Variants in DCAF5 observed in about 807,000 individuals in gnomAD.
DCAF5 encodes DDB1 and CUL4 associated factor 5, also known as DDB1- and CUL4-associated factor 5.
A neutral mutation model predicts 80.7 loss-of-function variants in DCAF5; 9 were observed. That is an observed-to-expected ratio of 0.11 (90% CI 0.07 to 0.19). The LOEUF is 0.19. Among genes scored for constraint, DCAF5 ranks in the 10% least tolerant of loss-of-function variants. The probability of loss-of-function intolerance (pLI) is 1.00; values close to 1 mark genes in which losing one functional copy is unlikely to be tolerated. For synonymous variants in DCAF5, 433 were observed against 461.9 expected (o/e 0.94, Z 0.80); for missense variants, 842 against 1,205.7 (o/e 0.70, Z 4.47).
intron 7 of DCAF5, among the ~76,000 whole-genome samples, chr14:69,065,096 C>CTTT (rs34005299): frequency 0.029 from 3,544 of 120,234 alleles, 216 homozygotes; most frequent in African/African-American, 0.084. Context: ...AATATGACCT[C>CTTT]TTTTTTTTTT....
At chr14:69,104,277 A>C (rs974943138) in intron 5 of DCAF5, among the ~76,000 whole-genome samples, 2 of 152,184 alleles carry the variant, frequency 1.3e-5, no homozygotes, top group African/African-American at 4.8e-5. Context: ...AAAAAGCTAA[A>C]CTAAGAAGTC....
intron 6 of DCAF5, chr14:69,085,113 G>A: frequency 1.2e-6 from 1 of 824,408 alleles, no homozygotes; most frequent in South Asian, 1.3e-5. Context: ...TCATAAGTCA[G>A]CTCAGGAAGC....
At position 69,055,552 on chromosome 14, in the gene DCAF5, G is replaced by T. The variant is rs151159736; in HGVS notation, c.1134C>A (p.Asp378Glu). The T allele has an allele frequency of 6.2e-7, 1 of 1,612,434 alleles. No individual in the cohort carries two copies. The highest frequency in any genetic ancestry group is 8.5e-7 in the Non-Finnish European group (1 of 1,178,554). Residue 378 changes from aspartate to glutamate, a missense_variant, in exon 9 of 9, where the codon GAC becomes GAA. By Grantham distance (45) the Asp-to-Glu change is conservative. Transcript: ENST00000341516. The surrounding 1 kb of genome is among the most constrained non-coding windows in gnomAD (Gnocchi z 5.6). ...CTGDLDGRIE[D>E]DSRCLYTHEE... ...CATGGGTATAGAGGCAGCGGGAATC[G>T]TCCTCAATCCGACCGTCGAGGTCTC... is the stretch of plus-strand genomic sequence containing the variant.
chr14:69,105,662 C>T (rs190272953), intron 5 of DCAF5, among the ~76,000 whole-genome samples: 1 of 151,950 alleles, frequency 6.6e-6, no homozygotes, highest in Admixed American at 6.6e-5. Flanking sequence ...TGATGCTTTG[C>T]TTCCTCTCCT....
chr14:69,152,990 C>T lies in DCAF5; in HGVS notation c.-12G>A. ...GCTCTCCTCTTCATGCTGGAACCGC[C>T]GCCGCCGCCGCTCGCGCCGCCGCCC... On this transcript the variant is annotated 5_prime_UTR_variant, in exon 1 of 9. Coordinates refer to ENST00000341516, the MANE Select transcript of DCAF5 (RefSeq NM_003861.3). The surrounding 1 kb of genome is among the most constrained non-coding windows in gnomAD (Gnocchi z 4.1). 3 of 1,545,860 alleles carry T rather than the reference C, an allele frequency of 1.9e-6. No individual in the cohort carries two copies. The highest frequency in any genetic ancestry group is 1.7e-6 in the Non-Finnish European group (2 of 1,151,904).
rs932162164 is a variant in DCAF5 at position 69,069,610 on chromosome 14, CTCTT to C, written c.946+5731_946+5734del. Among the ~76,000 whole-genome samples the C allele has an allele frequency of 9.2e-5, 14 of 152,148 alleles. No individual in the cohort carries two copies. In the South Asian group the frequency reaches 1.0e-3, roughly 11 times the overall value. On this transcript the variant is annotated intron_variant, in intron 7 of 8. Transcript: ENST00000341516. ...CACCATGCCCAGTTTTCTTTCTGTTCTCTTTCTTTCTTTCGTTCTTTTCTTCTTT... is the reference window on the plus strand; with the variant it reads ...CACCATGCCCAGTTTTCTTTCTGTTCTCTTTCTTTCGTTCTTTTCTTCTTT...
intron 5 of DCAF5, among the ~76,000 whole-genome samples, chr14:69,101,154 T>A (rs1297568365): frequency 6.6e-6 from 1 of 152,142 alleles, no homozygotes; most frequent in Non-Finnish European, 1.5e-5. Flanking sequence ...AGAAGCAAGT[T>A]TTTTCTGCTT....
At chr14:69,142,131 C>A (rs1343058825) in intron 1 of DCAF5, among the ~76,000 whole-genome samples, 1 of 151,692 alleles carries the variant, frequency 6.6e-6, no homozygotes, top group African/African-American at 2.4e-5. Context: ...CCTGTCTCTA[C>A]AAAAAAAAAT....
At position 69,118,008 on chromosome 14, in the gene DCAF5, G is replaced by T; in HGVS notation, c.535+131C>A. On this transcript the variant is annotated intron_variant, in intron 4 of 8. Coordinates refer to ENST00000341516, the MANE Select transcript of DCAF5 (RefSeq NM_003861.3). This position sits in a 1 kb window ranked among gnomAD's most constrained non-coding sequence, Gnocchi z 4.0. Reference sequence around the variant, plus strand: ...CTCCAAAGACCTCTTATGCCCCCATGTGAGTGTTTCACATTTCCTTTCCCT... The same window carrying T: ...CTCCAAAGACCTCTTATGCCCCCATTTGAGTGTTTCACATTTCCTTTCCCT... 7.7e-7 allele frequency: 1 copy of T among 1,299,872 alleles called. No individual in the cohort carries two copies. Among genetic ancestry groups the T allele is most frequent in the Non-Finnish European group, 1.1e-6 (1 of 919,842 alleles). The allele number at this position is 1,299,872 out of a possible 1,614,324, so 80.5% of individuals were successfully genotyped here. A position where few individuals can be genotyped will look rare whatever the true frequency, so the allele number is the denominator to read the frequency against.
chr14:69,055,099 A>G lies in DCAF5; in HGVS notation c.1587T>C (p.Asn529=), dbSNP rs1186835632. The G allele has an allele frequency of 7.4e-6, 12 of 1,614,168 alleles. No homozygotes were observed. Among genetic ancestry groups the G allele is most frequent in the Non-Finnish European group, 1.0e-5 (12 of 1,180,032 alleles). The part of the protein sequence containing the change: ...YQDKRLLALS[N]ESDSEENVCE... ...AGACATTCTCCTCAGAATCGGACTC[A>G]TTGGAAAGGGCCAGGAGGCGTTTGT... Residue 529 remains asparagine, a synonymous_variant, in exon 9 of 9, where the codon AAT becomes AAC. Transcript: ENST00000341516. This position sits in a 1 kb window ranked among gnomAD's most constrained non-coding sequence, Gnocchi z 5.6.
At position 69,113,102 on chromosome 14, in the gene DCAF5, C is replaced by T. The variant is rs139540728; in HGVS notation, c.665+3264G>A. 4.9e-4 allele frequency among the ~76,000 whole-genome samples: 75 copies of T among 152,192 alleles called. No homozygotes were observed. In the East Asian group the frequency reaches 0.013, roughly 27 times the overall value. ...GGACAAAAATGACTCTCCTCCTATA[C>T]CTTCAGGCTACCAAGTGGAGAGGTA... On this transcript the variant is annotated intron_variant, in intron 5 of 8. Coordinates refer to ENST00000341516, the MANE Select transcript of DCAF5 (RefSeq NM_003861.3).
At chr14:69,062,546 G>A (rs1306212618) in intron 7 of DCAF5, 35 bp from the exon 8 acceptor site, 6 of 1,608,018 alleles carry the variant, frequency 3.7e-6, no homozygotes, top group Admixed American at 1.7e-5. Flanking sequence ...ATCAGATGAT[G>A]AAATGAATGA....
Position 69,122,252 on chromosome 14 carries a change from G to C in DCAF5, c.323C>G (p.Ala108Gly). 1.2e-6 allele frequency: 2 copies of C among 1,613,924 alleles called. No individual in the cohort carries two copies. Among genetic ancestry groups the C allele is most frequent in the Non-Finnish European group, 1.7e-6 (2 of 1,179,868 alleles). The change falls in exon 2 of 9, where the codon GCT becomes GGT. Residue 108 changes from alanine (A) to glycine (G), a missense_variant. Coordinates refer to ENST00000341516, the MANE Select transcript of DCAF5 (RefSeq NM_003861.3). ...CACTTTAGTGTTCCCACTGTTGAAAGCCAGGCAAAAAATGTTGGAATGGTG... is the reference window on the plus strand; with the variant it reads ...CACTTTAGTGTTCCCACTGTTGAAACCCAGGCAAAAAATGTTGGAATGGTG... ...GEHHSNIFCL[A>G]FNSGNTKVFS...
rs1364707262 is a variant in DCAF5, at chr14:69,055,175, T to C, written c.1511A>G (p.Glu504Gly). ...ACGCTGCTGGCGAGAGGCTGCATCCTCACACGTGGGTGTTGGTGGAGTTGA... is the reference window on the plus strand; with the variant it reads ...ACGCTGCTGGCGAGAGGCTGCATCCCCACACGTGGGTGTTGGTGGAGTTGA... ...VASTPPTPTCEDAASRQQRLS... is the reference protein window; with the variant it reads ...VASTPPTPTCGDAASRQQRLS... Residue 504 changes from glutamate (E) to glycine (G), a missense_variant, in exon 9 of 9, where the codon GAG becomes GGG. Around this residue, in one of 5 missense-constraint regions of DCAF5, gnomAD observed 607 missense variants for 656.6 expected, o/e 0.92. Coordinates refer to ENST00000341516, the MANE Select transcript of DCAF5 (RefSeq NM_003861.3). This position sits in a 1 kb window ranked among gnomAD's most constrained non-coding sequence, Gnocchi z 5.6. 1 of 1,614,112 alleles carries C rather than the reference T, an allele frequency of 6.2e-7. No individual in the cohort carries two copies. Among genetic ancestry groups the C allele is most frequent in the African/African-American group, 1.3e-5 (1 of 74,954 alleles).
chr14:69,124,216 T>A (rs907075398), intron 1 of DCAF5, among the ~76,000 whole-genome samples: 1 of 152,218 alleles, frequency 6.6e-6, no homozygotes, highest in Non-Finnish European at 1.5e-5. Context: ...ATTTTGTTTA[T>A]CCACTAATCC....
At chr14:69,061,536 C>T (rs2038215922) in intron 8 of DCAF5, among the ~76,000 whole-genome samples, 1 of 152,152 alleles carries the variant, frequency 6.6e-6, no homozygotes, top group Admixed American at 6.5e-5. Context: ...GTTCATTCAG[C>T]CAATGTGCAA....
chr14:69,117,290 CT>C (rs1172430863), intron 4 of DCAF5, among the ~76,000 whole-genome samples: 2 of 152,236 alleles, frequency 1.3e-5, no homozygotes, highest in African/African-American at 2.4e-5. Flanking sequence ...TCGACCACAG[CT>C]GCTACTTCGT....
chr14:69,080,811 C>T (rs577503362), intron 6 of DCAF5, among the ~76,000 whole-genome samples: 278 of 152,156 alleles, frequency 1.8e-3, no homozygotes, highest in Middle Eastern at 3.4e-3. Context: ...ATATTTAATA[C>T]ACTACTGTGA....
At chr14:69,067,706 G>T (rs540750391) in intron 7 of DCAF5, among the ~76,000 whole-genome samples, 6 of 150,580 alleles carry the variant, frequency 4.0e-5, no homozygotes, top group Admixed American at 2.6e-4. Flanking sequence ...GCGTGATCTC[G>T]GCTCACTGCA....
Sources: gnomAD v4.1 joint callset for allele counts (sites outside exome capture counted in the v4.1 genomes callset) on GRCh38, gnomAD v4.1.1 for gene constraint, gnomAD v4.1.1 regional missense constraint, Gnocchi (gnomAD v3.1) non-coding constraint, MANE v1.5 for transcripts, NCBI Gene and HGNC (gene_info 2026-07-23, HGNC 2026-07-21) for gene names.